LRRC45: variants seen among roughly 807,000 people sequenced by gnomAD.
LRRC45 encodes leucine rich repeat containing 45.
Under a neutral mutation model 85.4 loss-of-function variants are expected in LRRC45, and 73 were observed. The observed-to-expected ratio is 0.85, with a 90% confidence interval of 0.71 to 1.04. The LOEUF is 1.04. Ranked by LOEUF, LRRC45 falls within the 50% of genes least tolerant of loss-of-function variation. The probability of loss-of-function intolerance (pLI) is 0.00; values close to 1 mark genes in which losing one functional copy is unlikely to be tolerated. For synonymous variants in LRRC45, 429 were observed against 386.0 expected, an observed-to-expected ratio of 1.11 and a Z score of -1.31; for missense variants, 937 against 883.3, an observed-to-expected ratio of 1.06 and a Z score of -0.77.
chr17:82,023,441 CCCCAGCCCAAAGCGGACCTTGACTACCG>C lies in LRRC45; in HGVS notation c.-194_-167del, dbSNP rs2043331346. The C allele has an allele frequency of 1.8e-6, 1 of 561,318 alleles. No homozygotes were observed. Among genetic ancestry groups the C allele is most frequent in the South Asian group, 2.3e-5 (1 of 43,806 alleles). 34.8% of individuals were successfully genotyped at this position (561,318 alleles called of 1,614,324 possible). ...CGGGTGGTCCCCAAGCACTGCGGGG[CCCCAGCCCAAAGCGGACCTTGACTACCG>C]CCCAGCCCCGCGCTCCCAGGACCTC... On this transcript the variant is annotated 5_prime_UTR_variant, in exon 1 of 17. Coordinates refer to ENST00000306688, the MANE Select transcript of LRRC45 (RefSeq NM_144999.4).
At chr17:82,029,235 C>T in intron 13 of LRRC45, 50 bp downstream of exon 13, 1 of 1,557,848 alleles carries the variant, frequency 6.4e-7, no homozygotes, top group Non-Finnish European at 8.7e-7. Flanking sequence ...CTGGGCTGAA[C>T]AAGGCAGGGG....
At chr17:82,029,751 C>A in intron 14 of LRRC45, 116 bp downstream of exon 14, 1 of 1,000,914 alleles carries the variant, frequency 1.0e-6, no homozygotes, top group Non-Finnish European at 1.5e-6. Context: ...GTGTTGAGGT[C>A]AGATGAGCAC....
At chr17:82,024,791 T>C (rs2043352510) in intron 3 of LRRC45, 28 bp downstream of exon 3, 1 of 1,560,582 alleles carries the variant, frequency 6.4e-7, no homozygotes, top group Non-Finnish European at 8.6e-7. Context: ...CCCCAGGCCC[T>C]GTCTCTGTGT....
intron 5 of LRRC45, among the ~76,000 whole-genome samples, chr17:82,025,876 G>A (rs917889093): frequency 3.3e-5 from 5 of 152,204 alleles, no homozygotes; most frequent in African/African-American, 1.2e-4. Context: ...GTCACCCTGA[G>A]TCTGTGGCCC....
At chr17:82,029,238 G>A (rs1341537678) in intron 13 of LRRC45, 53 bp downstream of exon 13, 2 of 1,548,876 alleles carry the variant, frequency 1.3e-6, no homozygotes, top group Admixed American at 1.9e-5. Context: ...GGCTGAACAA[G>A]GCAGGGGCCC....
intron 7 of LRRC45, 25 bp downstream of exon 7, chr17:82,027,469 G>A: frequency 6.2e-7 from 1 of 1,612,514 alleles, no homozygotes; most frequent in East Asian, 2.2e-5. Flanking sequence ...GGCAGGGGCA[G>A]GGTGAGGCTT....
chr17:82,024,938 G>A (rs894759705), intron 3 of LRRC45, 62 bp from the exon 4 acceptor site: 2 of 1,474,562 alleles, frequency 1.4e-6, no homozygotes, highest in African/African-American at 2.8e-5. Context: ...CCGTCCCCAA[G>A]CCCTGGACCC....
chr17:82,030,936 T>A lies in LRRC45; in HGVS notation c.*131T>A. On this transcript the variant is annotated 3_prime_UTR_variant, in exon 17 of 17. Transcript: ENST00000306688. ...TGTTCCACGCGGCGGTTGCGGCGAC[T>A]GTTGGTGGTGTCGCGGCTGCGGGGG... 1 of 663,482 alleles carries A rather than the reference T, an allele frequency of 1.5e-6. No homozygotes were observed. The highest frequency in any genetic ancestry group is 2.2e-6 in the Non-Finnish European group (1 of 462,890). The allele number at this position is 663,482 out of a possible 1,614,324, so 41.1% of individuals were successfully genotyped here.
In LRRC45 at chr17:82,030,311, C is replaced by A. The variant is rs769611315; in HGVS notation, c.1669-8C>A. 21 of 1,547,754 alleles carry A rather than the reference C, an allele frequency of 1.4e-5. No homozygotes were observed. Among genetic ancestry groups the A allele is most frequent in the Non-Finnish European group, 1.7e-5 (20 of 1,145,314 alleles). On this transcript the variant is annotated splice_polypyrimidine_tract_variant and splice_region_variant and intron_variant, in intron 15 of 16. Coordinates refer to ENST00000306688, the MANE Select transcript of LRRC45 (RefSeq NM_144999.4). ...CTCGCCTCACTCCCCAGCCTTCGTGCCTGGCAGGAGCTGAGCCTCAAGGAC... is the reference window on the plus strand; with the variant it reads ...CTCGCCTCACTCCCCAGCCTTCGTGACTGGCAGGAGCTGAGCCTCAAGGAC...
intron 12 of LRRC45, 39 bp downstream of exon 12, chr17:82,028,722 G>T: frequency 6.3e-7 from 1 of 1,582,296 alleles, no homozygotes; most frequent in South Asian, 1.1e-5. Flanking sequence ...CTCAGTCTCT[G>T]GTCTTGGTGT....
chr17:82,025,594 A>G (rs541770183), intron 5 of LRRC45, 87 bp downstream of exon 5: 1 of 1,428,352 alleles, frequency 7.0e-7, no homozygotes, highest in African/African-American at 1.4e-5. Context: ...CAGGACGGGA[A>G]CTGATGAGGA....
chr17:82,031,129 C>T lies in LRRC45; in HGVS notation c.*324C>T, dbSNP rs1347065793. 2 of 313,176 alleles carry T rather than the reference C, an allele frequency of 6.4e-6. No individual in the cohort carries two copies. Among genetic ancestry groups the T allele is most frequent in the Admixed American group, 5.0e-5 (1 of 19,832 alleles). 19.4% of individuals were successfully genotyped at this position (313,176 alleles called of 1,614,324 possible). ...CTGCGCGCGGCGGGGTTTGGAAATA[C>T]AGCGCGTTTGCACTTTGTGATACAT... On this transcript the variant is annotated 3_prime_UTR_variant, in exon 17 of 17. Transcript: ENST00000306688.
intron 13 of LRRC45, 144 bp from the exon 14 acceptor site, chr17:82,029,399 G>C (rs1352027088): frequency 9.9e-7 from 1 of 1,006,302 alleles, no homozygotes; most frequent in Non-Finnish European, 1.5e-6. Context: ...CTTGCCCAGC[G>C]AGCTAGGTGG....
Position 82,030,677 on chromosome 17 carries a change from C to A in LRRC45, c.1885C>A (p.Leu629Met). ...ESENASLREK[L>M]RLREAEIARI... ...CGAGAACGCGTCTCTCCGGGAGAAG[C>A]TGCGGCTCCGGGAGGCGGAGATCGC... The change falls in exon 17 of 17, where the codon CTG becomes ATG. Residue 629 changes from leucine to methionine, a missense_variant. By Grantham distance (15) the Leu-to-Met change is conservative. Transcript: ENST00000306688. 1 of 1,474,810 alleles carries A rather than the reference C, an allele frequency of 6.8e-7. No homozygotes were observed. The highest frequency in any genetic ancestry group is 1.4e-5 in the African/African-American group (1 of 70,152). 91.4% of individuals were successfully genotyped at this position (1,474,810 alleles called of 1,614,324 possible). A position where few individuals can be genotyped will look rare whatever the true frequency, so the allele number is the denominator to read the frequency against.
At chr17:82,028,207 A>T (rs993817297) in intron 9 of LRRC45, 27 bp from the exon 10 acceptor site, 30 of 1,562,608 alleles carry the variant, frequency 1.9e-5, no homozygotes, top group Non-Finnish European at 2.6e-5. Flanking sequence ...CGTGACCCTC[A>T]CTACCCATAC....
intron 13 of LRRC45, 164 bp from the exon 14 acceptor site, chr17:82,029,379 C>T: frequency 2.1e-6 from 2 of 948,698 alleles, no homozygotes; most frequent in South Asian, 1.6e-5. Flanking sequence ...ACTTCCTTGG[C>T]CTTAGGAACC....
At position 82,024,399 on chromosome 17, in the gene LRRC45, G is replaced by A. The variant is rs1359339982; in HGVS notation, c.282+60G>A. The A allele has an allele frequency of 4.4e-6, 7 of 1,596,960 alleles. No homozygotes were observed. In the East Asian group the frequency reaches 1.3e-4, roughly 31 times the overall value. ...CCACCCAAGGGCAAGAGGAGAGGTGGAAGATGCCAGGTCTCGGGGGCCTGG... is the reference window on the plus strand; with the variant it reads ...CCACCCAAGGGCAAGAGGAGAGGTGAAAGATGCCAGGTCTCGGGGGCCTGG... On this transcript the variant is annotated intron_variant, in intron 2 of 16. Transcript: ENST00000306688.
At position 82,023,686 on chromosome 17, in the gene LRRC45, A is replaced by C; in HGVS notation, c.43A>C (p.Ser15Arg). 1.3e-6 allele frequency: 2 copies of C among 1,552,712 alleles called. No homozygotes were observed. The highest frequency in any genetic ancestry group is 1.7e-6 in the Non-Finnish European group (2 of 1,155,482). Residue 15 changes from serine (S) to arginine (R), a missense_variant, in exon 1 of 17, where the codon AGT becomes CGT. Physicochemically the swap from Ser to Arg is moderately radical, Grantham distance 110. Transcript: ENST00000306688. The stretch of plus-strand genomic sequence containing the variant: ...CTCCTACAGCCGCCTGTGCAGGGAG[A>C]GTGGGGCCGAGCCCCAGGAGGCTGT... The part of the protein sequence containing the change: ...RRSYSRLCRE[S>R]GAEPQEAVLQ...
Position 82,023,636 on chromosome 17 carries a change from C to T in LRRC45, c.-8C>T, listed in dbSNP as rs981598889. On this transcript the variant is annotated 5_prime_UTR_variant, in exon 1 of 17. Transcript: ENST00000306688. ...CATGCGGAGGAGGCCCTGCCGGCCC[C>T]GCGGGTCATGGAGGAGTTCCGGCGC... 2 of 1,523,856 alleles carry T rather than the reference C, an allele frequency of 1.3e-6. No individual in the cohort carries two copies. The highest frequency in any genetic ancestry group is 2.4e-5 in the East Asian group (1 of 41,456). 94.4% of individuals were successfully genotyped at this position (1,523,856 alleles called of 1,614,324 possible). A position where few individuals can be genotyped will look rare whatever the true frequency, so the allele number is the denominator to read the frequency against.
Sources: gnomAD v4.1 joint callset for allele counts (sites outside exome capture counted in the v4.1 genomes callset) on GRCh38, gnomAD v4.1.1 for gene constraint, MANE v1.5 for transcripts, NCBI Gene and HGNC (gene_info 2026-07-23, HGNC 2026-07-21) for gene names.